The following GSDMC variants were observed in gnomAD, a reference collection of about 807,000 sequenced individuals.
The protein encoded by GSDMC is gasdermin-C.
A neutral mutation model predicts 58.0 loss-of-function variants in GSDMC; 59 were observed. That is an observed-to-expected ratio of 1.02 (90% CI 0.82 to 1.26). The LOEUF (loss-of-function observed/expected upper bound fraction) is 1.26, where lower values mean the gene tolerates loss of function less well. GSDMC is among the 50% of genes most tolerant of loss of function. The pLI is 0.00. For synonymous variants in GSDMC, 241 were observed against 220.2 expected (o/e 1.09, Z -0.83); for missense variants, 659 against 598.5 (o/e 1.10, Z -1.06).
chr8:129,712,080 G>T, the GSDMC span, among the ~76,000 whole-genome samples: 1 of 152,116 alleles, frequency 6.6e-6, no homozygotes, highest in African/African-American at 2.4e-5. Context: ...ACCATAGCAA[G>T]ATCCTATCTC....
At chr8:129,751,945 C>G in intron 8 of GSDMC, 54 bp from the exon 9 acceptor site, 1 of 1,558,064 alleles carries the variant, frequency 6.4e-7, no homozygotes, top group South Asian at 1.1e-5. Context: ...TAGATTTCTC[C>G]AACCTTCTGC....
At chr8:129,773,785 CAA>C (rs3078753) in intron 3 of GSDMC, among the ~76,000 whole-genome samples, 6 of 77,782 alleles carry the variant, frequency 7.7e-5, no homozygotes, top group East Asian at 5.0e-4. Flanking sequence ...GACTCTGTCT[CAA>C]AAAAAAAAAA....
At chr8:129,721,782 A>G in the GSDMC span, among the ~76,000 whole-genome samples, 1 of 152,144 alleles carries the variant, frequency 6.6e-6, no homozygotes, top group African/African-American at 2.4e-5. Flanking sequence ...CATCCTACCA[A>G]CTGGCAACCC....
the GSDMC span, among the ~76,000 whole-genome samples, chr8:129,714,009 C>T: frequency 6.6e-6 from 1 of 152,170 alleles, no homozygotes; most frequent in East Asian, 1.9e-4. Flanking sequence ...TGATTCCAAA[C>T]ATCACATGAA....
At chr8:129,726,922 T>G in the GSDMC span, among the ~76,000 whole-genome samples, 1 of 151,920 alleles carries the variant, frequency 6.6e-6, no homozygotes, top group Non-Finnish European at 1.5e-5. Flanking sequence ...ATGACCAGAA[T>G]AGTGTTTTAA....
At chr8:129,733,583 C>T in the GSDMC span, among the ~76,000 whole-genome samples, 2 of 152,270 alleles carry the variant, frequency 1.3e-5, no homozygotes, top group African/African-American at 4.8e-5. Context: ...AGGGACCTGA[C>T]TATTAGAAGG....
chr8:129,729,158 AC>A, the GSDMC span: 1 of 667,164 alleles, frequency 1.5e-6, no homozygotes, highest in African/African-American at 1.8e-5. Flanking sequence ...AATGTTGTTT[AC>A]TTCAGAGATA....
the GSDMC span, chr8:129,730,020 A>G: frequency 5.6e-5 from 76 of 1,366,314 alleles, 1 homozygote; most frequent in Admixed American, 1.5e-3. Flanking sequence ...CGGAAGAAGA[A>G]AAAGGATGAG....
chr8:129,730,268 GA>G, the GSDMC span: 2 of 1,355,342 alleles, frequency 1.5e-6, no homozygotes, highest in Non-Finnish European at 2.0e-6. Flanking sequence ...GAAGATCAGA[GA>G]AAATAAGAAC....
chr8:129,769,920 T>C (rs1195118031), intron 3 of GSDMC, among the ~76,000 whole-genome samples: 6 of 146,720 alleles, frequency 4.1e-5, no homozygotes, highest in Non-Finnish European at 9.4e-5. Context: ...GAAATGAAAA[T>C]ATGTTAATTA....
chr8:129,723,232 G>GT, the GSDMC span, among the ~76,000 whole-genome samples: 29 of 151,718 alleles, frequency 1.9e-4, no homozygotes, highest in Admixed American at 1.6e-3. Context: ...GCATCTAGCA[G>GT]TTTTTTTGTT....
chr8:129,714,739 C>A, the GSDMC span, among the ~76,000 whole-genome samples: 1 of 148,726 alleles, frequency 6.7e-6, no homozygotes, highest in Non-Finnish European at 1.5e-5. Flanking sequence ...GGATTTGTCA[C>A]CAGCAGACCT....
the GSDMC span, among the ~76,000 whole-genome samples, chr8:129,709,466 T>TGATA: frequency 6.9e-6 from 1 of 145,340 alleles, no homozygotes; most frequent in East Asian, 2.1e-4. Context: ...AGATGATAGA[T>TGATA]GATAGATAGA....
At chr8:129,737,403 A>G in the GSDMC span, among the ~76,000 whole-genome samples, 1 of 152,266 alleles carries the variant, frequency 6.6e-6, no homozygotes, top group Non-Finnish European at 1.5e-5. Flanking sequence ...CTACAAGGCT[A>G]CAGTAACCAA....
rs936944958 is a variant in GSDMC at position 129,755,755 on chromosome 8, C to G, written c.722-2935G>C. Among the ~76,000 whole-genome samples the G allele has an allele frequency of 3.3e-5, 5 of 151,818 alleles. No individual in the cohort carries two copies. In the South Asian group the frequency reaches 6.2e-4, roughly 19 times the overall value. On this transcript the variant is annotated intron_variant, in intron 6 of 13. Coordinates refer to ENST00000276708, the MANE Select transcript of GSDMC (RefSeq NM_031415.3). ...TTTTACTTTATTAGGTTTCTTTTTGCCTATTAGTTCATTTGTTTATGCAAT... is the reference window on the plus strand; with the variant it reads ...TTTTACTTTATTAGGTTTCTTTTTGGCTATTAGTTCATTTGTTTATGCAAT...
At chr8:129,706,544 CA>C in the GSDMC span, 1 of 152,156 alleles carries the variant, frequency 6.6e-6, no homozygotes, top group Non-Finnish European at 1.5e-5. Context: ...TTTCCTGGCC[CA>C]GATACTTGCC....
At chr8:129,717,127 C>G in the GSDMC span, among the ~76,000 whole-genome samples, 1 of 152,016 alleles carries the variant, frequency 6.6e-6, no homozygotes, top group Non-Finnish European at 1.5e-5. Flanking sequence ...TGATGCTGGC[C>G]TCATAAAATG....
At chr8:129,745,727 A>G (rs1351479623), downstream of GSDMC, among the ~76,000 whole-genome samples, 2 of 98,036 alleles carry the variant, frequency 2.0e-5, no homozygotes, top group African/African-American at 1.5e-4. Flanking sequence ...GGTGATAGGG[A>G]AAACAAGAGC....
the GSDMC span, among the ~76,000 whole-genome samples, chr8:129,731,108 G>C: frequency 2.0e-5 from 3 of 152,064 alleles, no homozygotes; most frequent in Non-Finnish European, 4.4e-5. Flanking sequence ...CCATTAACTT[G>C]AACAGGGATA....
Sources: gnomAD v4.1 joint callset for allele counts (sites outside exome capture counted in the v4.1 genomes callset) on GRCh38, gnomAD v4.1.1 for gene constraint, MANE v1.5 for transcripts, NCBI Gene and HGNC (gene_info 2026-07-23, HGNC 2026-07-21) for gene names.